The following GARIN5B variants were observed in gnomAD, a reference collection of about 807,000 sequenced individuals.
GARIN5B encodes golgi associated RAB2 interactor family member 5B, also known as Golgi-associated RAB2 interactor protein 5B.
the GARIN5B span, chr19:55,361,443 A>T: frequency 2.0e-6 from 3 of 1,486,988 alleles, no homozygotes; most frequent in South Asian, 1.4e-5. Flanking sequence ...TCCTGCAGAG[A>T]TAGAGGGAGG....
At chr19:55,359,990 A>G in the GARIN5B span, 1 of 1,535,388 alleles carries the variant, frequency 6.5e-7, no homozygotes, top group Non-Finnish European at 8.8e-7. Flanking sequence ...CTGTAGGTGG[A>G]CAGAGGGGAG....
the GARIN5B span, chr19:55,362,801 C>T: frequency 1.2e-3 from 1,753 of 1,490,326 alleles, 17 homozygotes; most frequent in African/African-American, 0.022. Flanking sequence ...AGCCTCCCTC[C>T]TGATCGTCCC....
the GARIN5B span, chr19:55,362,591 G>A: frequency 6.5e-7 from 1 of 1,544,034 alleles, no homozygotes; most frequent in Non-Finnish European, 8.7e-7. Flanking sequence ...GTCAGCACGA[G>A]GCCGGAGCAG....
chr19:55,359,858 G>A, the GARIN5B span: 15 of 1,551,400 alleles, frequency 9.7e-6, no homozygotes, highest in East Asian at 4.9e-5. Context: ...CCACAGGCAC[G>A]GGTCCAGGGA....
At chr19:55,357,430 C>T in the GARIN5B span, among the ~76,000 whole-genome samples, 3 of 152,208 alleles carry the variant, frequency 2.0e-5, no homozygotes, top group Non-Finnish European at 4.4e-5. Context: ...CCGGGATCCC[C>T]GTGGTCCAGC....
chr19:55,361,284 C>A, the GARIN5B span: 1 of 1,547,076 alleles, frequency 6.5e-7, no homozygotes, highest in Non-Finnish European at 8.7e-7. Flanking sequence ...CAGGGGAGGG[C>A]ACGAGGACCT....
chr19:55,356,286 C>T, the GARIN5B span, among the ~76,000 whole-genome samples: 1 of 152,154 alleles, frequency 6.6e-6, no homozygotes, highest in African/African-American at 2.4e-5. Flanking sequence ...TGGTGGGTCA[C>T]TGCAGCCTCG....
At chr19:55,355,794 T>C in the GARIN5B span, among the ~76,000 whole-genome samples, 1 of 152,094 alleles carries the variant, frequency 6.6e-6, no homozygotes, top group East Asian at 1.9e-4. Context: ...GAGACTAGCC[T>C]GGACAACATG....
chr19:55,360,672 T>C, the GARIN5B span: 2 of 1,550,266 alleles, frequency 1.3e-6, no homozygotes, highest in Non-Finnish European at 8.7e-7. Context: ...GCCTGGGCCC[T>C]GCCCCGGGTA....
At chr19:55,362,234 T>C in the GARIN5B span, 2 of 1,518,266 alleles carry the variant, frequency 1.3e-6, no homozygotes, top group Non-Finnish European at 1.8e-6. Context: ...TCTGTGGAGC[T>C]GGGATCCCAC....
At chr19:55,360,213 TCA>T in the GARIN5B span, among the ~76,000 whole-genome samples, 6 of 104,524 alleles carry the variant, frequency 5.7e-5, no homozygotes, top group East Asian at 1.5e-3. Flanking sequence ...TCCTCCTCCC[TCA>T]GACTCAGGAG....
the GARIN5B span, among the ~76,000 whole-genome samples, chr19:55,355,617 T>C: frequency 6.6e-6 from 1 of 152,204 alleles, no homozygotes; most frequent in Non-Finnish European, 1.5e-5. Flanking sequence ...AGATCCCTGC[T>C]AAGCTTCTCT....
the GARIN5B span, chr19:55,363,104 G>A: frequency 4.8e-6 from 7 of 1,444,538 alleles, no homozygotes; most frequent in Non-Finnish European, 5.4e-6. The surrounding 1 kb of genome is among the most constrained non-coding windows in gnomAD (Gnocchi z 4.0). Flanking sequence ...TAGGGACCCA[G>A]AACCCAGGCG....
At chr19:55,356,991 A>G in the GARIN5B span, among the ~76,000 whole-genome samples, 1 of 152,142 alleles carries the variant, frequency 6.6e-6, no homozygotes. Flanking sequence ...CAGGAGGCAG[A>G]GGTTGCAGTG....
At chr19:55,355,258 A>G in the GARIN5B span, 1 of 1,499,166 alleles carries the variant, frequency 6.7e-7, no homozygotes, top group South Asian at 1.2e-5. Context: ...CTTAAAGGGT[A>G]CCTGGCAGCG....
the GARIN5B span, among the ~76,000 whole-genome samples, chr19:55,357,524 C>T: frequency 6.6e-6 from 1 of 152,210 alleles, no homozygotes; most frequent in Non-Finnish European, 1.5e-5. Context: ...CTCATGGCTT[C>T]CTCCGTCCTC....
chr19:55,361,462 G>A, the GARIN5B span: 1 of 1,468,448 alleles, frequency 6.8e-7, no homozygotes, highest in South Asian at 1.4e-5. Context: ...GGCAGGAGGG[G>A]CCCGGGCTTC....
chr19:55,356,136 G>A, the GARIN5B span, among the ~76,000 whole-genome samples: 3 of 151,594 alleles, frequency 2.0e-5, no homozygotes, highest in Non-Finnish European at 4.4e-5. Flanking sequence ...CAGCACTTTG[G>A]GAAGCCGGAT....
the GARIN5B span, chr19:55,358,623 C>T: frequency 5.2e-5 from 81 of 1,551,410 alleles, no homozygotes; most frequent in African/African-American, 6.8e-4. Context: ...GGCTTCCCCT[C>T]CAGTAAGGAC....
Sources: gnomAD v4.1 joint callset for allele counts (sites outside exome capture counted in the v4.1 genomes callset) on GRCh38, gnomAD v4.1.1 for gene constraint, Gnocchi (gnomAD v3.1) non-coding constraint, MANE v1.5 for transcripts, NCBI Gene and HGNC (gene_info 2026-07-23, HGNC 2026-07-21) for gene names.